Variants in RPAP2 observed in about 807,000 individuals in gnomAD.
The protein encoded by RPAP2 is RNA polymerase II associated protein 2, also known as putative RNA polymerase II subunit B1 CTD phosphatase RPAP2.
In RPAP2, 52 loss-of-function variants were observed where a neutral mutation model predicts 73.1. The observed-to-expected ratio is 0.71, with a 90% CI of 0.57 to 0.90. The LOEUF is 0.90. Among genes scored for constraint, RPAP2 ranks in the 40% least tolerant of loss-of-function variants. RPAP2 has a pLI of 0.00. For missense variants in RPAP2, 598 were observed against 701.8 expected, an observed-to-expected ratio of 0.85 and a Z score of 1.67; for synonymous variants, 225 against 242.1, an observed-to-expected ratio of 0.93 and a Z score of 0.65.
intron 11 of RPAP2, among the ~76,000 whole-genome samples, chr1:92,361,205 G>A (rs1293503144): frequency 1.3e-5 from 2 of 151,632 alleles, no homozygotes; most frequent in African/African-American, 4.8e-5. Flanking sequence ...ATCCAATATT[G>A]TGTTTGGACA....
chr1:92,346,786 A>G (rs1045155594), intron 11 of RPAP2, among the ~76,000 whole-genome samples: 1 of 152,200 alleles, frequency 6.6e-6, no homozygotes, highest in Non-Finnish European at 1.5e-5. Context: ...ATTTATCAAT[A>G]GGGTTAAAAC....
chr1:92,323,363 TG>T, intron 7 of RPAP2, 81 bp from the exon 8 acceptor site: 1 of 945,034 alleles, frequency 1.1e-6, no homozygotes, highest in Non-Finnish European at 1.6e-6. Flanking sequence ...ATAAATACTA[TG>T]GGGTACTTTA....
At chr1:92,385,790 C>G (rs1048073482) in intron 12 of RPAP2, among the ~76,000 whole-genome samples, 10 of 152,170 alleles carry the variant, frequency 6.6e-5, no homozygotes, top group African/African-American at 2.2e-4. Context: ...AAGTAACAAA[C>G]ATTTTTTATG....
chr1:92,307,163 A>G, intron 5 of RPAP2, 25 bp from the exon 6 acceptor site: 5 of 1,520,380 alleles, frequency 3.3e-6, no homozygotes, highest in Non-Finnish European at 4.5e-6. Flanking sequence ...TAAGAAAAAA[A>G]CTAGATTTAT....
chr1:92,339,005 A>C (rs1393574006), intron 10 of RPAP2, among the ~76,000 whole-genome samples: 1 of 152,206 alleles, frequency 6.6e-6, no homozygotes, highest in Non-Finnish European at 1.5e-5. Context: ...TATGCTGTAC[A>C]TATCAGAAAA....
chr1:92,351,540 A>G (rs1443730629), intron 11 of RPAP2, among the ~76,000 whole-genome samples: 1 of 152,118 alleles, frequency 6.6e-6, no homozygotes, highest in East Asian at 1.9e-4. Flanking sequence ...CATAGGACAC[A>G]TCGCTCAGCT....
At chr1:92,373,865 G>A (rs1211722797) in intron 11 of RPAP2, among the ~76,000 whole-genome samples, 3 of 151,302 alleles carry the variant, frequency 2.0e-5, no homozygotes, top group Non-Finnish European at 4.4e-5. Flanking sequence ...GTTGCAGTGA[G>A]CAGAGATAGC....
At position 92,392,164 on chromosome 1, in the gene RPAP2, A is replaced by G. The variant is rs1412482719; in HGVS notation, c.*5153A>G. ...ATACTGGCAAACCGAATCCAGCAGC[A>G]TATCAAAAAGCTTATCCACCACGAT... On this transcript the variant is annotated 3_prime_UTR_variant, in exon 13 of 13. Transcript: ENST00000610020. The G allele has an allele frequency of 1.3e-5, 2 of 152,252 alleles. No individual in the cohort carries two copies. The highest frequency in any genetic ancestry group is 4.8e-5 in the African/African-American group (2 of 41,468). 9.4% of individuals were successfully genotyped at this position (152,252 alleles called of 1,614,324 possible). A position where few individuals can be genotyped will look rare whatever the true frequency, so the allele number is the denominator to read the frequency against.
At position 92,396,243 on chromosome 1, in the gene RPAP2, A is replaced by G. The variant is rs1392121089; in HGVS notation, c.*9232A>G. On this transcript the variant is annotated 3_prime_UTR_variant, in exon 13 of 13. Transcript: ENST00000610020. ...GAGATGAGGCCTCACTATGTTGCAT[A>G]CTCTGAAGTCAAACTCCTGGGCTCA... 1.3e-5 allele frequency: 2 copies of G among 150,802 alleles called. No homozygotes were observed. Among genetic ancestry groups the G allele is most frequent in the African/African-American group, 4.9e-5 (2 of 40,928 alleles). The allele number at this position is 150,802 out of a possible 1,614,324, so 9.3% of individuals were successfully genotyped here.
In RPAP2 at chr1:92,301,591, G is replaced by T; in HGVS notation, c.234+1G>T. 3 of 1,286,614 alleles carry T rather than the reference G, an allele frequency of 2.3e-6. No individual in the cohort carries two copies. Among genetic ancestry groups the T allele is most frequent in the Non-Finnish European group, 3.2e-6 (3 of 926,778 alleles). 79.7% of individuals were successfully genotyped at this position (1,286,614 alleles called of 1,614,324 possible). Reference sequence around the variant, plus strand: ...TACAGAAGAGTTCCTAATGGAGTGTGTATGTGTTAAGTTGACAAATTATTA... The same window carrying T: ...TACAGAAGAGTTCCTAATGGAGTGTTTATGTGTTAAGTTGACAAATTATTA... On this transcript the variant is annotated splice_donor_variant, in intron 3 of 12. Transcript: ENST00000610020. LOFTEE classifies it high-confidence loss of function.
rs1257888683 is a variant in RPAP2, at chr1:92,334,972, A to AGT, written c.1539-1373_1539-1372dup. On this transcript the variant is annotated intron_variant, in intron 9 of 12. Coordinates refer to ENST00000610020, the MANE Select transcript of RPAP2 (RefSeq NM_024813.3). ...CACTGCACTCCAGCCTGAGCAACAGAGTGAGACTCCATCTCAAAAAAATAA... is the reference window on the plus strand; with the variant it reads ...CACTGCACTCCAGCCTGAGCAACAGAGTGTGAGACTCCATCTCAAAAAAATAA... Among the ~76,000 whole-genome samples, 3 of 152,254 alleles carry AGT rather than the reference A, an allele frequency of 2.0e-5. No individual in the cohort carries two copies. The East Asian group carries it at 5.8e-4, about 29-fold the overall frequency.
chr1:92,377,832 T>A (rs1457698191), intron 11 of RPAP2, among the ~76,000 whole-genome samples: 2 of 152,204 alleles, frequency 1.3e-5, no homozygotes, highest in Non-Finnish European at 2.9e-5. Context: ...TAAACAGAAA[T>A]TTTGGTTTTA....
chr1:92,336,500 A>G, intron 10 of RPAP2, 73 bp downstream of exon 10: 1 of 1,013,002 alleles, frequency 9.9e-7, no homozygotes, highest in Non-Finnish European at 1.5e-6. Context: ...ATCCAAAGGC[A>G]CAGAGAAAGT....
At chr1:92,314,848 C>T (rs1473692505) in intron 6 of RPAP2, among the ~76,000 whole-genome samples, 3 of 151,864 alleles carry the variant, frequency 2.0e-5, no homozygotes, top group Admixed American at 1.3e-4. Flanking sequence ...AGTTTGAGAC[C>T]AGCCTGGCCA....
In RPAP2 at chr1:92,391,661, G is replaced by A. The variant is rs891700599; in HGVS notation, c.*4650G>A. 4.6e-5 allele frequency: 7 copies of A among 152,134 alleles called. No individual in the cohort carries two copies. The highest frequency in any genetic ancestry group is 1.9e-4 in the East Asian group (1 of 5,200). 9.4% of individuals were successfully genotyped at this position (152,134 alleles called of 1,614,324 possible). ...CAAGGCTAAAAAAGAAGAAAAGAGA[G>A]AAGAGTCAAATAGATGCAATAAAAA... On this transcript the variant is annotated 3_prime_UTR_variant, in exon 13 of 13. Coordinates refer to ENST00000610020, the MANE Select transcript of RPAP2 (RefSeq NM_024813.3).
chr1:92,363,845 A>C (rs1019820868), intron 11 of RPAP2: 1 of 214,660 alleles, frequency 4.7e-6, no homozygotes, highest in Admixed American at 5.1e-5. Context: ...TAAGGATCTA[A>C]TACATATCCT....
chr1:92,311,117 G>A (rs1651571184), intron 6 of RPAP2, among the ~76,000 whole-genome samples: 1 of 152,094 alleles, frequency 6.6e-6, no homozygotes, highest in South Asian at 2.1e-4. Flanking sequence ...TTAATTGATT[G>A]GTCCTGATCT....
At chr1:92,366,405 C>G (rs1202518384) in intron 11 of RPAP2, among the ~76,000 whole-genome samples, 1 of 152,162 alleles carries the variant, frequency 6.6e-6, no homozygotes, top group Admixed American at 6.6e-5. Flanking sequence ...TCAATAACAG[C>G]AGTTTAGCAA....
chr1:92,392,818 A>G lies in RPAP2; in HGVS notation c.*5807A>G, dbSNP rs1360119498. The G allele has an allele frequency of 6.6e-6, 1 of 151,592 alleles. No homozygotes were observed. The highest frequency in any genetic ancestry group is 2.4e-5 in the African/African-American group (1 of 41,386). 9.4% of individuals were successfully genotyped at this position (151,592 alleles called of 1,614,324 possible). A position where few individuals can be genotyped will look rare whatever the true frequency, so the allele number is the denominator to read the frequency against. Reference sequence around the variant, plus strand: ...AAAATAAAATACAAAGCACTGCTCAAGGAAATAAGAGAGGACACAAACAAA... The same window carrying G: ...AAAATAAAATACAAAGCACTGCTCAGGGAAATAAGAGAGGACACAAACAAA... On this transcript the variant is annotated 3_prime_UTR_variant, in exon 13 of 13. Coordinates refer to ENST00000610020, the MANE Select transcript of RPAP2 (RefSeq NM_024813.3).
Sources: gnomAD v4.1 joint callset for allele counts (sites outside exome capture counted in the v4.1 genomes callset) on GRCh38, gnomAD v4.1.1 for gene constraint, MANE v1.5 for transcripts, NCBI Gene and HGNC (gene_info 2026-07-23, HGNC 2026-07-21) for gene names.